ARSB: variants seen among roughly 807,000 people sequenced by gnomAD.
ARSB encodes the protein N-acetylgalactosamine-4-sulfatase.
ARSB carries 41 observed loss-of-function variants against 50.9 expected under a neutral mutation model. The observed-to-expected ratio is 0.81, with a 90% CI of 0.63 to 1.04. The LOEUF is 1.04. Ranked by LOEUF, ARSB falls within the 50% of genes least tolerant of loss-of-function variation. The pLI is 0.00. For synonymous variants in ARSB, 269 were observed against 284.8 expected, an observed-to-expected ratio of 0.94 and a Z score of 0.56; for missense variants, 672 against 693.3, an observed-to-expected ratio of 0.97 and a Z score of 0.35.
At chr5:78,948,384 G>A (rs1751345285) in intron 4 of ARSB, among the ~76,000 whole-genome samples, 1 of 151,958 alleles carries the variant, frequency 6.6e-6, no homozygotes. Context: ...TTGTGTGCCT[G>A]TATCAAAATA....
At chr5:78,860,789 C>T (rs569134902) in intron 5 of ARSB, among the ~76,000 whole-genome samples, 6 of 152,048 alleles carry the variant, frequency 3.9e-5, no homozygotes, top group African/African-American at 1.2e-4. Flanking sequence ...GATGGAGACA[C>T]AAAAACCCTT....
intron 4 of ARSB, among the ~76,000 whole-genome samples, chr5:78,904,747 G>T (rs1483206964): frequency 8.0e-5 from 12 of 149,156 alleles, no homozygotes; most frequent in Non-Finnish European, 1.5e-4. Flanking sequence ...GAATGCAGTG[G>T]CGCTATCTCA....
Position 78,973,006 on chromosome 5 carries a change from T to C in ARSB, c.313-3814A>G, listed in dbSNP as rs116556801. Reference sequence around the variant, plus strand: ...ACATGTTTTCGGTCTGTTCAAACACTATCTGAAGGAAGGAAGCTGTAATGT... The same window carrying C: ...ACATGTTTTCGGTCTGTTCAAACACCATCTGAAGGAAGGAAGCTGTAATGT... On this transcript the variant is annotated intron_variant, in intron 1 of 7. Coordinates refer to ENST00000264914, the MANE Select transcript of ARSB (RefSeq NM_000046.5). Among the ~76,000 whole-genome samples the C allele has an allele frequency of 2.5e-3, 377 of 152,314 alleles. 2 individuals carry two copies. The highest frequency in any genetic ancestry group is 8.8e-3 in the African/African-American group (367 of 41,570).
At chr5:78,838,584 G>A (rs773395298) in intron 6 of ARSB, among the ~76,000 whole-genome samples, 93 of 152,302 alleles carry the variant, frequency 6.1e-4, no homozygotes, top group Non-Finnish European at 1.1e-3. Flanking sequence ...AGAAAGGAGC[G>A]GATGGGAGCC....
chr5:78,985,018 G>GGCCGCCA lies in ARSB; in HGVS notation c.224_230dup (p.Val80ArgfsTer49). ...AGTAGTTGTCCAGGAGCACCCCGCC[G>GGCCGCCA]GCCGCCAGCGCGTCCAGGTGCGGCG... is the stretch of plus-strand genomic sequence containing the variant. On this transcript the variant is annotated frameshift_variant, in exon 1 of 8. Transcript: ENST00000264914. LOFTEE classifies it high-confidence loss of function. 6.5e-7 allele frequency: 1 copy of GGCCGCCA among 1,540,156 alleles called. No individual in the cohort carries two copies. Among genetic ancestry groups the GGCCGCCA allele is most frequent in the Non-Finnish European group, 8.7e-7 (1 of 1,145,792 alleles).
At chr5:78,896,039 C>T (rs887736931) in intron 4 of ARSB, among the ~76,000 whole-genome samples, 1 of 152,136 alleles carries the variant, frequency 6.6e-6, no homozygotes, top group Non-Finnish European at 1.5e-5. Context: ...AGACTCCCTG[C>T]GGTTCTTGTG....
intron 5 of ARSB, among the ~76,000 whole-genome samples, chr5:78,844,014 T>C (rs1435070197): frequency 2.0e-5 from 3 of 152,206 alleles, no homozygotes; most frequent in Admixed American, 6.6e-5. Context: ...ACTATGAACA[T>C]TCATGTACAA....
At position 78,780,490 on chromosome 5, in the gene ARSB, C is replaced by T; in HGVS notation, c.1509G>A (p.Gln503=). 1 of 1,614,146 alleles carries T rather than the reference C, an allele frequency of 6.2e-7. No individual in the cohort carries two copies. The change falls in exon 8 of 8, where the codon CAG becomes CAA. Residue 503 remains glutamine (Q), a synonymous_variant. Coordinates refer to ENST00000264914, the MANE Select transcript of ARSB (RefSeq NM_000046.5). ...HIVTKLLSRL[Q]FYHKHSVPVY... ...CGGGGACTGAGTGTTTATGGTAGAA[C>T]TGTAGGCGGGACAGGAGCTTTGTGA...
At chr5:78,981,779 C>CA (rs1356583206) in intron 1 of ARSB, among the ~76,000 whole-genome samples, 2 of 152,230 alleles carry the variant, frequency 1.3e-5, no homozygotes, top group Non-Finnish European at 2.9e-5. Context: ...CTCAGGATTT[C>CA]ATGAGAGTAT....
At position 78,841,950 on chromosome 5, in the gene ARSB, G is replaced by T. The variant is rs980694599; in HGVS notation, c.1143-2524C>A. Among the ~76,000 whole-genome samples, 27 of 152,100 alleles carry T rather than the reference G, an allele frequency of 1.8e-4. 1 individual carries two copies. The highest frequency in any genetic ancestry group is 6.5e-4 in the African/African-American group (27 of 41,386). On this transcript the variant is annotated intron_variant, in intron 5 of 7. Coordinates refer to ENST00000264914, the MANE Select transcript of ARSB (RefSeq NM_000046.5). The stretch of plus-strand genomic sequence containing the variant: ...GATAAGGATGTGGTTAGAGATATGG[G>T]CCAAGAAAACACAATATATGACAAG...
chr5:78,844,562 A>G (rs1745363271), intron 5 of ARSB, among the ~76,000 whole-genome samples: 1 of 151,988 alleles, frequency 6.6e-6, no homozygotes. Context: ...CGACTTATGT[A>G]TTTTCTCCTG....
intron 4 of ARSB, among the ~76,000 whole-genome samples, chr5:78,944,573 G>A (rs1751120989): frequency 6.6e-6 from 1 of 152,224 alleles, no homozygotes; most frequent in Non-Finnish European, 1.5e-5. Context: ...GGTATCAGCA[G>A]TGGAGGCTGC....
At chr5:78,904,904 G>A (rs1748977076) in intron 4 of ARSB, among the ~76,000 whole-genome samples, 1 of 151,830 alleles carries the variant, frequency 6.6e-6, no homozygotes. Context: ...TGGCCAGGCT[G>A]GTCTTGAACT....
At chr5:78,820,390 G>C (rs1744162030) in intron 6 of ARSB, among the ~76,000 whole-genome samples, 1 of 152,054 alleles carries the variant, frequency 6.6e-6, no homozygotes, top group Non-Finnish European at 1.5e-5. Context: ...GTTTTTAAAA[G>C]TCTCTACTAA....
At chr5:78,900,693 C>G (rs935396403) in intron 4 of ARSB, among the ~76,000 whole-genome samples, 39 of 152,240 alleles carry the variant, frequency 2.6e-4, no homozygotes, top group Admixed American at 2.0e-3. Context: ...TGCTTCTATA[C>G]TACCATTTTG....
At chr5:78,797,016 T>C (rs1743209509) in intron 6 of ARSB, among the ~76,000 whole-genome samples, 1 of 151,726 alleles carries the variant, frequency 6.6e-6, no homozygotes, top group African/African-American at 2.4e-5. Context: ...TAGCTGGGAC[T>C]ACAGGCGCCC....
intron 4 of ARSB, among the ~76,000 whole-genome samples, chr5:78,935,494 G>A (rs773209406): frequency 1.8e-4 from 28 of 152,268 alleles, no homozygotes; most frequent in Admixed American, 3.3e-4. Context: ...AGCTTGGCCC[G>A]TGGCAGGTGT....
At chr5:78,844,493 A>G (rs1300262751) in intron 5 of ARSB, among the ~76,000 whole-genome samples, 1 of 151,880 alleles carries the variant, frequency 6.6e-6, no homozygotes, top group African/African-American at 2.4e-5. Context: ...CTGTGGGTTG[A>G]TTTTTCACTT....
chr5:78,941,590 A>C (rs1201155181), intron 4 of ARSB, among the ~76,000 whole-genome samples: 2 of 152,118 alleles, frequency 1.3e-5, no homozygotes, highest in African/African-American at 4.8e-5. Context: ...ACCTTTATTG[A>C]TTTGCATATA....
Sources: gnomAD v4.1 joint callset for allele counts (sites outside exome capture counted in the v4.1 genomes callset) on GRCh38, gnomAD v4.1.1 for gene constraint, MANE v1.5 for transcripts, NCBI Gene and HGNC (gene_info 2026-07-23, HGNC 2026-07-21) for gene names.